Variants in ADGRB3 observed in about 807,000 individuals in gnomAD.
ADGRB3 encodes the protein adhesion G protein-coupled receptor B3.
In ADGRB3, 37 loss-of-function variants were observed where a neutral mutation model predicts 193.4. That is an observed-to-expected ratio of 0.19 (90% CI 0.15 to 0.25). ADGRB3 has a LOEUF of 0.25. ADGRB3 is among the 10% of genes least tolerant of loss of function. ADGRB3 has a pLI of 1.00. For missense variants in ADGRB3, 1,637 were observed against 1,852.9 expected (o/e 0.88, Z 2.14); for synonymous variants, 690 against 644.2 (o/e 1.07, Z -1.08).
intron 17 of ADGRB3, among the ~76,000 whole-genome samples, chr6:69,152,649 A>G (rs1005842581): frequency 6.6e-6 from 1 of 152,220 alleles, no homozygotes; most frequent in African/African-American, 2.4e-5. Context: ...AAGTGCCTAA[A>G]TACATAAGTA....
At chr6:69,078,889 A>G (rs1480947588) in intron 17 of ADGRB3, among the ~76,000 whole-genome samples, 1 of 152,092 alleles carries the variant, frequency 6.6e-6, no homozygotes, top group Non-Finnish European at 1.5e-5. Flanking sequence ...CTATACCTGC[A>G]TATAAGATAC....
At chr6:69,188,232 C>G (rs573709632) in intron 17 of ADGRB3, among the ~76,000 whole-genome samples, 1 of 152,198 alleles carries the variant, frequency 6.6e-6, no homozygotes, top group Non-Finnish European at 1.5e-5. Flanking sequence ...GGGAAAAGGA[C>G]TATTCTCCAT....
At chr6:68,695,580 G>A (rs1765143646) in intron 3 of ADGRB3, among the ~76,000 whole-genome samples, 1 of 151,936 alleles carries the variant, frequency 6.6e-6, no homozygotes, top group Non-Finnish European at 1.5e-5. Flanking sequence ...ATGGGGAAGG[G>A]CCCCCTGGAT....
In ADGRB3 at chr6:68,637,423, TA is replaced by T. The variant is rs1198224826; in HGVS notation, c.-151del. The T allele has an allele frequency of 1.3e-5, 2 of 152,676 alleles. No homozygotes were observed. Among genetic ancestry groups the T allele is most frequent in the Non-Finnish European group, 2.9e-5 (2 of 68,048 alleles). 9.5% of individuals were successfully genotyped at this position (152,676 alleles called of 1,614,324 possible). On this transcript the variant is annotated 5_prime_UTR_variant, in exon 2 of 32. Coordinates refer to ENST00000370598, the MANE Select transcript of ADGRB3 (RefSeq NM_001704.3). The stretch of plus-strand genomic sequence containing the variant: ...GAAGAGACTGCAGCCTAAAGACTTT[TA>T]AAATTAACTTGGCATCACTTTTATC...
At chr6:69,140,145 A>C (rs191586754) in intron 17 of ADGRB3, among the ~76,000 whole-genome samples, 1 of 152,314 alleles carries the variant, frequency 6.6e-6, no homozygotes, top group Admixed American at 6.5e-5. Context: ...AAAAATTCTA[A>C]GATTAATAGC....
intron 20 of ADGRB3, among the ~76,000 whole-genome samples, chr6:69,255,509 A>C (rs1766742057): frequency 6.6e-6 from 1 of 151,432 alleles, no homozygotes; most frequent in African/African-American, 2.4e-5. Flanking sequence ...ATGTCTTGAG[A>C]AGTGTCTGTT....
chr6:69,030,716 T>C lies in ADGRB3; in HGVS notation c.2107+12217T>C, dbSNP rs566567872. 2.0e-5 allele frequency among the ~76,000 whole-genome samples: 3 copies of C among 152,298 alleles called. No individual in the cohort carries two copies. In the South Asian group the frequency reaches 6.2e-4, roughly 32 times the overall value. On this transcript the variant is annotated intron_variant, in intron 13 of 31. Coordinates refer to ENST00000370598, the MANE Select transcript of ADGRB3 (RefSeq NM_001704.3). ...AACCACCATGGCACATGTATACCTATGTAACAAACCTGCACGTCCTGCACA... is the reference window on the plus strand; with the variant it reads ...AACCACCATGGCACATGTATACCTACGTAACAAACCTGCACGTCCTGCACA...
intron 20 of ADGRB3, among the ~76,000 whole-genome samples, chr6:69,264,407 G>A (rs188939527): frequency 6.6e-6 from 1 of 151,400 alleles, no homozygotes; most frequent in East Asian, 1.9e-4. Context: ...TCCTCCTCTG[G>A]TTTTATTACC....
chr6:69,325,099 T>G, intron 21 of ADGRB3, 77 bp downstream of exon 21: 2 of 1,474,000 alleles, frequency 1.4e-6, no homozygotes, highest in Non-Finnish European at 1.8e-6. Context: ...TCATGAGTGA[T>G]TAGACACAGG....
chr6:69,180,580 A>T (rs1775552410), intron 17 of ADGRB3, among the ~76,000 whole-genome samples: 1 of 152,132 alleles, frequency 6.6e-6, no homozygotes, highest in Non-Finnish European at 1.5e-5. Context: ...TCATTATCTC[A>T]GGAGAGCAGG....
chr6:69,031,046 C>T (rs62416770), intron 13 of ADGRB3, among the ~76,000 whole-genome samples: 7,269 of 19,812 alleles, frequency 0.37, 1,621 homozygotes, highest in Middle Eastern at 0.65. Flanking sequence ...TCTCTCTTCT[C>T]TTCTCTTCTC....
intron 17 of ADGRB3, among the ~76,000 whole-genome samples, chr6:69,129,694 G>T (rs1397324439): frequency 6.6e-6 from 1 of 152,128 alleles, no homozygotes; most frequent in African/African-American, 2.4e-5. Flanking sequence ...GCCTTGGGAT[G>T]CTGTTCTATG....
At chr6:69,045,756 T>G (rs182023119) in intron 13 of ADGRB3, among the ~76,000 whole-genome samples, 4 of 152,206 alleles carry the variant, frequency 2.6e-5, no homozygotes, top group Admixed American at 2.0e-4. Context: ...ATACTTATAA[T>G]AGTAAAAACC....
intron 11 of ADGRB3, among the ~76,000 whole-genome samples, chr6:68,996,660 C>T (rs546368211): frequency 6.6e-5 from 10 of 152,296 alleles, no homozygotes; most frequent in East Asian, 5.8e-4. Context: ...CCGGCTTCGT[C>T]TATCTCAATC....
At chr6:69,138,882 G>A (rs1210514324) in intron 17 of ADGRB3, among the ~76,000 whole-genome samples, 3 of 152,176 alleles carry the variant, frequency 2.0e-5, no homozygotes, top group African/African-American at 4.8e-5. Flanking sequence ...ATTGCTTTAT[G>A]CCTGTCAAAA....
intron 3 of ADGRB3, among the ~76,000 whole-genome samples, chr6:68,827,872 C>T (rs530504677): frequency 2.0e-5 from 3 of 152,266 alleles, no homozygotes; most frequent in Admixed American, 6.5e-5. Context: ...ATCACAGGGC[C>T]TTTGCACATG....
chr6:68,759,215 A>ATAGAGTG (rs1554188727), intron 3 of ADGRB3, among the ~76,000 whole-genome samples: 1 of 152,140 alleles, frequency 6.6e-6, no homozygotes, highest in African/African-American at 2.4e-5. Context: ...TTATTATTAT[A>ATAGAGTG]TAGAGTGTAT....
At chr6:69,312,929 A>G (rs1232123954) in intron 20 of ADGRB3, among the ~76,000 whole-genome samples, 1 of 151,822 alleles carries the variant, frequency 6.6e-6, no homozygotes. Flanking sequence ...TGTTGTTAAT[A>G]CTTTTGAGAT....
At chr6:68,787,238 C>T (rs1174588462) in intron 3 of ADGRB3, among the ~76,000 whole-genome samples, 2 of 152,096 alleles carry the variant, frequency 1.3e-5, no homozygotes, top group African/African-American at 4.8e-5. Context: ...TGCCAGTTTT[C>T]AAAGGGAATG....
Sources: allele counts gnomAD v4.1 joint callset (sites outside exome capture counted in the v4.1 genomes callset), GRCh38; gene constraint gnomAD v4.1.1; transcripts MANE v1.5; gene names NCBI Gene and HGNC (gene_info 2026-07-23, HGNC 2026-07-21).